Variants in RPS6KA3 observed in about 807,000 individuals in gnomAD.
RPS6KA3 encodes the protein ribosomal protein S6 kinase alpha-3.
A neutral mutation model predicts 67.2 loss-of-function variants in RPS6KA3; 4 were observed. The ratio of observed to expected loss-of-function variants is 0.06; its 90% confidence interval spans 0.03 to 0.14. The LOEUF (loss-of-function observed/expected upper bound fraction) is 0.14, where lower values mean the gene tolerates loss of function less well. RPS6KA3 is among the 10% of genes least tolerant of loss of function. The pLI is 1.00. For synonymous variants in RPS6KA3, 182 were observed against 183.7 expected (o/e 0.99, Z 0.07); for missense variants, 204 against 559.0 (o/e 0.36, Z 6.40).
chrX:20,266,350 C>T (rs927441898), intron 1 of RPS6KA3, among the ~76,000 whole-genome samples: 1 of 111,704 alleles, frequency 9.0e-6, no homozygotes, highest in African/African-American at 3.3e-5. Flanking sequence ...CACTGGCAGC[C>T]CCCCGAGCGA....
At chrX:20,173,186 G>C (rs182514253) in intron 14 of RPS6KA3, among the ~76,000 whole-genome samples, 41 of 111,400 alleles carry the variant, frequency 3.7e-4, no homozygotes, top group African/African-American at 1.3e-3. Flanking sequence ...CCAGTCCCCA[G>C]TCGGCTATAG....
At chrX:20,247,161 G>A (rs145620045) in intron 1 of RPS6KA3, among the ~76,000 whole-genome samples, 1,407 of 112,057 alleles carry the variant, frequency 0.013, 26 homozygotes, top group African/African-American at 0.042. Context: ...TAGGCTGGGC[G>A]CAGTGGCTCA....
intron 18 of RPS6KA3, 48 bp from the exon 19 acceptor site, chrX:20,163,088 A>G: frequency 1.2e-6 from 1 of 810,563 alleles, no homozygotes; most frequent in Non-Finnish European, 1.9e-6. Flanking sequence ...TTTTGTATAT[A>G]TATTTGTAAG....
chrX:20,265,595 C>T (rs1490468697), intron 1 of RPS6KA3: 1 of 111,944 alleles, frequency 8.9e-6, no homozygotes, highest in Non-Finnish European at 1.9e-5. Context: ...GGAAGAATCA[C>T]AGACGCGCCA....
At chrX:20,185,302 G>A (rs2067953898) in intron 10 of RPS6KA3, among the ~76,000 whole-genome samples, 1 of 111,637 alleles carries the variant, frequency 9.0e-6, no homozygotes, top group African/African-American at 3.3e-5. Context: ...TTTGTTTATT[G>A]ACCTTGTATC....
chrX:20,250,076 G>T (rs1288507132), intron 1 of RPS6KA3, among the ~76,000 whole-genome samples: 1 of 112,160 alleles, frequency 8.9e-6, no homozygotes, highest in African/African-American at 3.2e-5. Context: ...ACTTACGTGG[G>T]TCTATTTCTT....
chrX:20,198,659 A>G (rs181810825), intron 4 of RPS6KA3, among the ~76,000 whole-genome samples: 1 of 112,076 alleles, frequency 8.9e-6, no homozygotes, highest in Admixed American at 9.5e-5. Context: ...AGGAAAAGAT[A>G]AGAAATGAAG....
chrX:20,234,773 C>A lies in RPS6KA3; in HGVS notation c.111G>T (p.Glu37Asp). 1 of 1,195,312 alleles carries A rather than the reference C, an allele frequency of 8.4e-7. No homozygotes were observed. The change falls in exon 2 of 22, where the codon GAG becomes GAT. Residue 37 changes from glutamate to aspartate, a missense_variant. Around this residue, in one of 4 missense-constraint regions of RPS6KA3, gnomAD observed 31 missense variants for 42.5 expected, o/e 0.73. Transcript: ENST00000379565. Reference protein sequence around the residue: ...QIMDEPMGEEEINPQTEEVSI... With the variant: ...QIMDEPMGEEDINPQTEEVSI... ...TTTTACTTACAGTTTGTGGGTTAAT[C>A]TCCTCCTCTCCCATAGGTTCATCCA...
chrX:20,163,269 A>G (rs2067349590), intron 18 of RPS6KA3, among the ~76,000 whole-genome samples: 1 of 111,941 alleles, frequency 8.9e-6, no homozygotes, highest in African/African-American at 3.3e-5. Flanking sequence ...CTGTAGGTAC[A>G]CAGGAATATA....
chrX:20,186,545 C>T (rs2067986616), intron 9 of RPS6KA3, among the ~76,000 whole-genome samples, 179 bp from the exon 10 acceptor site: 1 of 109,761 alleles, frequency 9.1e-6, no homozygotes. Flanking sequence ...ATTCCTAAAA[C>T]AACTGAGCTA....
At chrX:20,262,807 T>C (rs777277413) in intron 1 of RPS6KA3, among the ~76,000 whole-genome samples, 1 of 111,647 alleles carries the variant, frequency 9.0e-6, no homozygotes, top group Non-Finnish European at 1.9e-5. Context: ...TCAATGATTA[T>C]ACTTTAATAG....
chrX:20,221,466 TTGG>T (rs1326882450), intron 2 of RPS6KA3, among the ~76,000 whole-genome samples: 1 of 111,986 alleles, frequency 8.9e-6, no homozygotes, highest in African/African-American at 3.2e-5. Flanking sequence ...AATCACTATT[TTGG>T]TGATTTTCTT....
In RPS6KA3 at chrX:20,195,639, G is replaced by A. The variant is rs1033204895; in HGVS notation, c.326-494C>T. ...AGGTCTATTTTGAGGGAAGAAGAAA[G>A]GAAGCAAGAGGGAGAGAGAGAACAT... On this transcript the variant is annotated intron_variant, in intron 4 of 21. Coordinates refer to ENST00000379565, the MANE Select transcript of RPS6KA3 (RefSeq NM_004586.3). Among the ~76,000 whole-genome samples the A allele has an allele frequency of 2.7e-5, 3 of 112,010 alleles. No individual in the cohort carries two copies. In the Admixed American group the frequency reaches 2.9e-4, roughly 11 times the overall value.
Position 20,154,863 on chromosome X carries a change from A to G in RPS6KA3, c.*535T>C, listed in dbSNP as rs1221916705. ...TTTAATAGTCAATTGATTAATAATAATAGATTCCAAGTTAAACAAGGCATG... is the reference window on the plus strand; with the variant it reads ...TTTAATAGTCAATTGATTAATAATAGTAGATTCCAAGTTAAACAAGGCATG... On this transcript the variant is annotated 3_prime_UTR_variant, in exon 22 of 22. Coordinates refer to ENST00000379565, the MANE Select transcript of RPS6KA3 (RefSeq NM_004586.3). 1.7e-5 allele frequency: 2 copies of G among 119,950 alleles called. No homozygotes were observed. Among genetic ancestry groups the G allele is most frequent in the Admixed American group, 1.6e-4 (2 of 12,184 alleles). 9.9% of individuals were successfully genotyped at this position (119,950 alleles called of 1,213,427 possible). A position where few individuals can be genotyped will look rare whatever the true frequency, so the allele number is the denominator to read the frequency against.
At chrX:20,227,833 C>T (rs909329579) in intron 2 of RPS6KA3, among the ~76,000 whole-genome samples, 4 of 110,624 alleles carry the variant, frequency 3.6e-5, no homozygotes, top group African/African-American at 6.6e-5. Context: ...GATATTACAA[C>T]GTAAAAAAAA....
At chrX:20,189,012 T>TA (rs1409582469) in intron 7 of RPS6KA3, among the ~76,000 whole-genome samples, 1 of 112,503 alleles carries the variant, frequency 8.9e-6, no homozygotes, top group Admixed American at 9.4e-5. Context: ...GGGCTCAAGC[T>TA]ATCTTCTTGC....
chrX:20,222,481 A>G (rs1363548487), intron 2 of RPS6KA3, among the ~76,000 whole-genome samples: 1 of 111,161 alleles, frequency 9.0e-6, no homozygotes, highest in Non-Finnish European at 1.9e-5. Flanking sequence ...CCCCTCAATA[A>G]ATTCTACTAA....
chrX:20,158,732 A>C (rs1295945721), intron 20 of RPS6KA3, among the ~76,000 whole-genome samples: 3 of 111,619 alleles, frequency 2.7e-5, no homozygotes, highest in Admixed American at 9.5e-5. Flanking sequence ...TGGTGAACTC[A>C]CTTCAAACTA....
At chrX:20,156,684 C>T (rs1259841995) in intron 20 of RPS6KA3, among the ~76,000 whole-genome samples, 2 of 110,471 alleles carry the variant, frequency 1.8e-5, no homozygotes, top group African/African-American at 3.3e-5. Flanking sequence ...TACAGGTGTG[C>T]GCCACCATGC....
Sources: gnomAD v4.1 joint callset for allele counts (sites outside exome capture counted in the v4.1 genomes callset) on GRCh38, gnomAD v4.1.1 for gene constraint, gnomAD v4.1.1 regional missense constraint, MANE v1.5 for transcripts, NCBI Gene and HGNC (gene_info 2026-07-23, HGNC 2026-07-21) for gene names.